The following PTCHD4 variants were observed in gnomAD, a reference collection of about 807,000 sequenced individuals.
PTCHD4 encodes patched domain-containing protein 4.
A neutral mutation model predicts 58.1 loss-of-function variants in PTCHD4; 33 were observed. That is an observed-to-expected ratio of 0.57 (90% CI 0.43 to 0.76). The LOEUF (loss-of-function observed/expected upper bound fraction) is 0.76. Ranked by LOEUF, PTCHD4 falls within the 30% of genes least tolerant of loss-of-function variation. PTCHD4 has a pLI of 0.00. For synonymous variants in PTCHD4, 478 were observed against 409.6 expected, an observed-to-expected ratio of 1.17 and a Z score of -2.02; for missense variants, 1,058 against 1,027.1, an observed-to-expected ratio of 1.03 and a Z score of -0.41.
chr6:48,017,745 G>A (rs1762915865), intron 3 of PTCHD4, among the ~76,000 whole-genome samples: 1 of 152,218 alleles, frequency 6.6e-6, no homozygotes, highest in African/African-American at 2.4e-5. Context: ...CTGCTACTAA[G>A]TGGCACAGCC....
rs1432741621 is a variant in PTCHD4, at chr6:48,019,550, C to A, written c.418-10436G>T. Among the ~76,000 whole-genome samples, 3 of 152,242 alleles carry A rather than the reference C, an allele frequency of 2.0e-5. No homozygotes were observed. The East Asian group carries it at 5.8e-4, about 29-fold the overall frequency. ...AGGAGATTGAGATCATCCTGGCTAA[C>A]ATGGTGAAACCCTTTCTCTACTAAA... On this transcript the variant is annotated intron_variant, in intron 3 of 4. Transcript: ENST00000339488.
In PTCHD4 at chr6:47,874,665, T is replaced by G. The variant is rs1482825835; in HGVS notation, c.*3638A>C. On this transcript the variant is annotated 3_prime_UTR_variant, in exon 5 of 5. Coordinates refer to ENST00000339488, the MANE Select transcript of PTCHD4 (RefSeq NM_001384253.1). The stretch of plus-strand genomic sequence containing the variant: ...ATCATAAAACATTTGTCATCATTAT[T>G]CTTCTCACCTCACAAGGTAAAAACC... 7.2e-5 allele frequency among the ~76,000 whole-genome samples: 11 copies of G among 151,736 alleles called. No individual in the cohort carries two copies. Among genetic ancestry groups the G allele is most frequent in the Non-Finnish European group, 5.9e-5 (4 of 67,794 alleles).
At chr6:47,914,504 T>G (rs1016657357) in intron 4 of PTCHD4, among the ~76,000 whole-genome samples, 1 of 152,048 alleles carries the variant, frequency 6.6e-6, no homozygotes, top group African/African-American at 2.4e-5. Flanking sequence ...ATACTTGGAC[T>G]TGAACTTACA....
intron 4 of PTCHD4, among the ~76,000 whole-genome samples, chr6:47,919,883 C>T (rs989908368): frequency 5.9e-5 from 9 of 151,916 alleles, no homozygotes; most frequent in African/African-American, 1.9e-4. Context: ...GCAATGAGGT[C>T]GGGTCATGTG....
At chr6:48,038,031 C>G (rs1291272063) in intron 3 of PTCHD4, among the ~76,000 whole-genome samples, 16 of 151,706 alleles carry the variant, frequency 1.1e-4, no homozygotes, top group Non-Finnish European at 4.4e-5. Flanking sequence ...TAATGTCACT[C>G]TCGGTGGCTG....
Position 48,014,117 on chromosome 6 carries a change from C to A in PTCHD4, c.418-5003G>T, listed in dbSNP as rs374232008. On this transcript the variant is annotated intron_variant, in intron 3 of 4. Transcript: ENST00000339488. ...TTAATATAACAAATAGAAAGAATTT[C>A]TTACTCATATTTTTCTCTATGCATC... Among the ~76,000 whole-genome samples the A allele has an allele frequency of 1.3e-3, 198 of 152,122 alleles. 4 individuals are homozygous for A. In the South Asian group the frequency reaches 0.039, roughly 30 times the overall value.
At chr6:47,962,381 C>T (rs1184902647) in intron 4 of PTCHD4, among the ~76,000 whole-genome samples, 1 of 152,100 alleles carries the variant, frequency 6.6e-6, no homozygotes, top group Non-Finnish European at 1.5e-5. Flanking sequence ...AAAATATTTT[C>T]AAACTATATG....
At chr6:48,074,342 T>A (rs1394075531) in intron 1 of PTCHD4, among the ~76,000 whole-genome samples, 2 of 152,222 alleles carry the variant, frequency 1.3e-5, no homozygotes, top group Non-Finnish European at 2.9e-5. Context: ...AGAACCCAGG[T>A]CATTTTCCTC....
chr6:48,050,128 G>A (rs748541347), intron 3 of PTCHD4, among the ~76,000 whole-genome samples: 1 of 151,958 alleles, frequency 6.6e-6, no homozygotes, highest in South Asian at 2.1e-4. Flanking sequence ...TCATAATAAA[G>A]AGAAATAGTT....
At chr6:47,946,882 C>T (rs1252843833) in intron 4 of PTCHD4, among the ~76,000 whole-genome samples, 1 of 152,076 alleles carries the variant, frequency 6.6e-6, no homozygotes, top group Non-Finnish European at 1.5e-5. Context: ...CTTGCTCTGT[C>T]ACCTAGGGTA....
intron 4 of PTCHD4, among the ~76,000 whole-genome samples, chr6:47,990,240 T>C (rs915054530): frequency 6.6e-6 from 1 of 152,212 alleles, no homozygotes; most frequent in African/African-American, 2.4e-5. Flanking sequence ...CGGAAGGGAC[T>C]TGCCTTGTCT....
At chr6:47,903,162 T>C (rs1764766663) in intron 4 of PTCHD4, among the ~76,000 whole-genome samples, 1 of 152,136 alleles carries the variant, frequency 6.6e-6, no homozygotes, top group Non-Finnish European at 1.5e-5. Context: ...ATGAGTACAA[T>C]ATGTACAAAC....
chr6:47,973,199 A>G (rs1417351715), intron 4 of PTCHD4, among the ~76,000 whole-genome samples: 1 of 152,166 alleles, frequency 6.6e-6, no homozygotes, highest in Non-Finnish European at 1.5e-5. Context: ...ACTATAATTA[A>G]TTTTCTTGAA....
chr6:48,027,817 T>A (rs554511472), intron 3 of PTCHD4, among the ~76,000 whole-genome samples: 2 of 152,192 alleles, frequency 1.3e-5, no homozygotes, highest in African/African-American at 4.8e-5. Flanking sequence ...GAAAGACAAT[T>A]CACAACTGTC....
At chr6:47,969,997 G>T (rs774347075) in intron 4 of PTCHD4, among the ~76,000 whole-genome samples, 3 of 152,130 alleles carry the variant, frequency 2.0e-5, no homozygotes, top group African/African-American at 7.2e-5. Context: ...CCTTAAGGAG[G>T]TCGCATTAGT....
chr6:48,073,900 T>C (rs1765017169), intron 1 of PTCHD4, among the ~76,000 whole-genome samples: 1 of 152,202 alleles, frequency 6.6e-6, no homozygotes, highest in Non-Finnish European at 1.5e-5. Flanking sequence ...GCAGATGAGC[T>C]TGATGATCAG....
In PTCHD4 at chr6:48,028,702, G is replaced by A. The variant is rs530917397; in HGVS notation, c.418-19588C>T. On this transcript the variant is annotated intron_variant, in intron 3 of 4. Coordinates refer to ENST00000339488, the MANE Select transcript of PTCHD4 (RefSeq NM_001384253.1). ...TTAGCAAAATAATTTCCCTTGCTTT[G>A]TGTCAACCTTTATCATGTTCTTGAT... Among the ~76,000 whole-genome samples, 16 of 151,866 alleles carry A rather than the reference G, an allele frequency of 1.1e-4. No individual in the cohort carries two copies. In the South Asian group the frequency reaches 3.3e-3, roughly 32 times the overall value.
At chr6:48,018,379 G>A (rs1762939735) in intron 3 of PTCHD4, among the ~76,000 whole-genome samples, 1 of 152,160 alleles carries the variant, frequency 6.6e-6, no homozygotes, top group Non-Finnish European at 1.5e-5. Context: ...TACATAGTAT[G>A]CTGCAGAAAT....
rs1336947516 is a variant in PTCHD4 at position 47,874,138 on chromosome 6, C to G, written c.*4165G>C. ...AATTATGTTTATTTACTAACCAATACAGAATATACTAGGCCCTTTGCCTGG... is the reference window on the plus strand; with the variant it reads ...AATTATGTTTATTTACTAACCAATAGAGAATATACTAGGCCCTTTGCCTGG... On this transcript the variant is annotated 3_prime_UTR_variant, in exon 5 of 5. Coordinates refer to ENST00000339488, the MANE Select transcript of PTCHD4 (RefSeq NM_001384253.1). Among the ~76,000 whole-genome samples the G allele has an allele frequency of 1.3e-5, 2 of 151,680 alleles. No homozygotes were observed. The highest frequency in any genetic ancestry group is 4.8e-5 in the African/African-American group (2 of 41,356).
Sources: allele counts gnomAD v4.1 joint callset (sites outside exome capture counted in the v4.1 genomes callset), GRCh38; gene constraint gnomAD v4.1.1; transcripts MANE v1.5; gene names NCBI Gene and HGNC (gene_info 2026-07-23, HGNC 2026-07-21).